The following SH3GLB1 variants were observed in gnomAD, a reference collection of about 807,000 sequenced individuals.
The protein encoded by SH3GLB1 is SH3 domain containing GRB2 like, endophilin B1.
Under a neutral mutation model 42.0 loss-of-function variants are expected in SH3GLB1, and 17 were observed. The observed-to-expected ratio is 0.40, with a 90% CI of 0.28 to 0.61. The LOEUF (loss-of-function observed/expected upper bound fraction) is 0.61, where lower values mean the gene tolerates loss of function less well. Ranked by LOEUF, SH3GLB1 falls within the 20% of genes least tolerant of loss-of-function variation. SH3GLB1 has a pLI of 0.36. For missense variants in SH3GLB1, 355 were observed against 426.3 expected, an observed-to-expected ratio of 0.83 and a Z score of 1.47; for synonymous variants, 132 against 146.6, an observed-to-expected ratio of 0.90 and a Z score of 0.72.
At position 86,734,674 on chromosome 1, in the gene SH3GLB1, G is replaced by A; in HGVS notation, c.643G>A (p.Gly215Arg). ...QAEITRLLLE[G>R]ISSTHAHHLR... ...AGAGATTACCAGACTTCTGCTAGAG[G>A]GAATCAGCAGTACACATGTGAGTAT... The change falls in exon 6 of 9, where the codon GGA becomes AGA. Residue 215 changes from glycine to arginine, a missense_variant. Coordinates refer to ENST00000370558, the MANE Select transcript of SH3GLB1 (RefSeq NM_016009.5). 1 of 1,612,240 alleles carries A rather than the reference G, an allele frequency of 6.2e-7. No individual in the cohort carries two copies. Among genetic ancestry groups the A allele is most frequent in the South Asian group, 1.1e-5 (1 of 91,028 alleles).
chr1:86,706,799 G>T (rs528415774), intron 1 of SH3GLB1, among the ~76,000 whole-genome samples: 2 of 152,264 alleles, frequency 1.3e-5, no homozygotes, highest in African/African-American at 4.8e-5. Context: ...ACATTTACTA[G>T]AATTTAGTCT....
chr1:86,735,318 T>G, intron 7 of SH3GLB1, 139 bp downstream of exon 7: 1 of 546,936 alleles, frequency 1.8e-6, no homozygotes, highest in Non-Finnish European at 3.2e-6. Context: ...AGGAAAGTAA[T>G]TATCAGTTTT....
intron 5 of SH3GLB1, among the ~76,000 whole-genome samples, chr1:86,725,435 G>A (rs1655143829): frequency 2.0e-5 from 3 of 152,026 alleles, no homozygotes; most frequent in Admixed American, 6.6e-5. Flanking sequence ...TTATTTATAA[G>A]CTTTTTAGTT....
chr1:86,734,835 T>C (rs192856525), intron 6 of SH3GLB1, 144 bp downstream of exon 6: 2 of 658,446 alleles, frequency 3.0e-6, no homozygotes, highest in East Asian at 2.7e-5. Context: ...ATAAATATTT[T>C]AAATTGTTGT....
chr1:86,726,734 T>C (rs1655215481), intron 5 of SH3GLB1, among the ~76,000 whole-genome samples: 1 of 152,036 alleles, frequency 6.6e-6, no homozygotes. Context: ...AAGTCTGAAA[T>C]ACTTTGGGAA....
intron 1 of SH3GLB1, among the ~76,000 whole-genome samples, chr1:86,714,727 G>A (rs184691948): frequency 6.6e-6 from 1 of 152,306 alleles, no homozygotes; most frequent in East Asian, 1.9e-4. Context: ...CCAGAAGTGA[G>A]TCATTACTGA....
Position 86,735,119 on chromosome 1 carries a change from A to G in SH3GLB1, c.701A>G (p.Gln234Arg). Residue 234 changes from glutamine to arginine, a missense_variant, in exon 7 of 9, where the codon CAG becomes CGG. Coordinates refer to ENST00000370558, the MANE Select transcript of SH3GLB1 (RefSeq NM_016009.5). ...TGTCTGAATGACTTTGTAGAAGCCCAGATGACTTACTATGCACAGTGTTAC... is the reference window on the plus strand; with the variant it reads ...TGTCTGAATGACTTTGTAGAAGCCCGGATGACTTACTATGCACAGTGTTAC... ...LRCLNDFVEA[Q>R]MTYYAQCYQY... is the part of the protein sequence containing the mutation. The G allele has an allele frequency of 6.2e-7, 1 of 1,613,076 alleles. No homozygotes were observed. The highest frequency in any genetic ancestry group is 1.1e-5 in the South Asian group (1 of 91,062).
intron 7 of SH3GLB1, among the ~76,000 whole-genome samples, chr1:86,736,829 C>G (rs1410812020): frequency 1.3e-5 from 2 of 152,186 alleles, no homozygotes; most frequent in African/African-American, 4.8e-5. Flanking sequence ...AGTTTTATCT[C>G]TTTAATTTGT....
At chr1:86,739,223 A>G (rs1360844478) in intron 7 of SH3GLB1, among the ~76,000 whole-genome samples, 1 of 152,236 alleles carries the variant, frequency 6.6e-6, no homozygotes, top group Non-Finnish European at 1.5e-5. Flanking sequence ...CTGTGAGACT[A>G]GATAAACCCT....
At chr1:86,732,136 A>G (rs1415138632) in intron 5 of SH3GLB1, among the ~76,000 whole-genome samples, 1 of 152,228 alleles carries the variant, frequency 6.6e-6, no homozygotes, top group African/African-American at 2.4e-5. Flanking sequence ...ATTTTAAGCC[A>G]TATGAATAGT....
intron 5 of SH3GLB1, among the ~76,000 whole-genome samples, chr1:86,729,885 T>C (rs1655411677): frequency 6.6e-6 from 1 of 152,046 alleles, no homozygotes; most frequent in African/African-American, 2.4e-5. Flanking sequence ...TTAAAATTGA[T>C]AGCAATGATA....
intron 4 of SH3GLB1, among the ~76,000 whole-genome samples, chr1:86,723,784 G>C (rs1167570842): frequency 6.6e-6 from 1 of 152,182 alleles, no homozygotes; most frequent in African/African-American, 2.4e-5. Context: ...AGGACACCAG[G>C]CGTCAAGGAA....
At chr1:86,716,972 T>C (rs560186275) in intron 2 of SH3GLB1, among the ~76,000 whole-genome samples, 1 of 152,214 alleles carries the variant, frequency 6.6e-6, no homozygotes, top group African/African-American at 2.4e-5. Flanking sequence ...AGTTAAATAG[T>C]AGTGACTTTT....
intron 2 of SH3GLB1, among the ~76,000 whole-genome samples, chr1:86,719,278 T>G (rs1427380089): frequency 6.6e-6 from 1 of 152,190 alleles, no homozygotes; most frequent in Non-Finnish European, 1.5e-5. Context: ...AATAATTTTA[T>G]TTTATTTTAA....
chr1:86,711,031 A>C (rs1558293462), intron 1 of SH3GLB1, among the ~76,000 whole-genome samples: 1 of 152,240 alleles, frequency 6.6e-6, no homozygotes, highest in Non-Finnish European at 1.5e-5. Context: ...AGCTCCCTCA[A>C]GTAATTCTAA....
At chr1:86,739,246 T>C (rs1396537535) in intron 7 of SH3GLB1, among the ~76,000 whole-genome samples, 1 of 152,100 alleles carries the variant, frequency 6.6e-6, no homozygotes, top group Non-Finnish European at 1.5e-5. Flanking sequence ...AAGGAGTAAG[T>C]ATAGAGAAAA....
intron 2 of SH3GLB1, among the ~76,000 whole-genome samples, chr1:86,718,046 T>TG (rs1046461844): frequency 6.6e-6 from 1 of 151,770 alleles, no homozygotes; most frequent in African/African-American, 2.4e-5. Flanking sequence ...AAAGCTGTTT[T>TG]TTTTTTTTTT....
chr1:86,719,347 A>G (rs183090352), intron 2 of SH3GLB1, among the ~76,000 whole-genome samples, 160 bp from the exon 3 acceptor site: 2 of 152,206 alleles, frequency 1.3e-5, no homozygotes, highest in East Asian at 1.9e-4. Flanking sequence ...TTAGTTATAT[A>G]ATAGTCTAAC....
At chr1:86,707,617 A>G (rs1653944192) in intron 1 of SH3GLB1, among the ~76,000 whole-genome samples, 1 of 149,902 alleles carries the variant, frequency 6.7e-6, no homozygotes, top group African/African-American at 2.5e-5. Flanking sequence ...AACTTATATC[A>G]TATCTGAGAT....
Sources: allele counts gnomAD v4.1 joint callset (sites outside exome capture counted in the v4.1 genomes callset), GRCh38; gene constraint gnomAD v4.1.1; transcripts MANE v1.5; gene names NCBI Gene and HGNC (gene_info 2026-07-23, HGNC 2026-07-21).